MYBPC3: variants seen among roughly 807,000 people sequenced by gnomAD.
The protein encoded by MYBPC3 is myosin-binding protein C, cardiac-type.
MYBPC3 carries 108 observed loss-of-function variants against 159.3 expected under a neutral mutation model. That is an observed-to-expected ratio of 0.68 (90% CI 0.58 to 0.80). MYBPC3 has a LOEUF of 0.80. Among genes scored for constraint, MYBPC3 ranks in the 30% least tolerant of loss-of-function variants. The pLI, the probability that MYBPC3 is intolerant of heterozygous loss-of-function variation, is 0.00. For missense variants in MYBPC3, 1,631 were observed against 1,762.1 expected, an observed-to-expected ratio of 0.93 and a Z score of 1.33; for synonymous variants, 730 against 702.0, an observed-to-expected ratio of 1.04 and a Z score of -0.63.
chr11:47,335,270 AC>A, intron 26 of MYBPC3, 61 bp from the exon 27 acceptor site: 1 of 1,306,352 alleles, frequency 7.7e-7, no homozygotes, highest in South Asian at 1.6e-5. Context: ...CCCCACTCCC[AC>A]TGCCCACTCC....
chr11:47,342,416 A>G (rs2095889617), intron 17 of MYBPC3, among the ~76,000 whole-genome samples, 162 bp downstream of exon 17: 1 of 152,200 alleles, frequency 6.6e-6, no homozygotes, highest in Non-Finnish European at 1.5e-5. Context: ...TCACCTCAGC[A>G]TCGTCATTTT....
At chr11:47,348,308 G>A in intron 6 of MYBPC3, 116 bp downstream of exon 6, 1 of 772,620 alleles carries the variant, frequency 1.3e-6, no homozygotes, top group Admixed American at 2.3e-5. Context: ...CTGGGCACGT[G>A]GCCAGCACTC....
intron 23 of MYBPC3, 56 bp from the exon 24 acceptor site, chr11:47,337,850 A>G (rs2095884100): frequency 6.8e-7 from 1 of 1,467,092 alleles, no homozygotes; most frequent in Non-Finnish European, 9.3e-7. Flanking sequence ...GCCTTGAGTA[A>G]CGTTGCTCGT....
intron 1 of MYBPC3, among the ~76,000 whole-genome samples, chr11:47,352,202 G>C (rs1350412827): frequency 6.6e-6 from 1 of 152,178 alleles, no homozygotes; most frequent in Non-Finnish European, 1.5e-5. Context: ...GGCACCCCAG[G>C]TTGGGAGACT....
rs534264034 is a variant in MYBPC3 at position 47,342,403 on chromosome 11, C to T, written c.1624+175G>A. ...ATGACCCTCTCAGTACCCTCTGGAG[C>T]GGTCACCTCAGCATCGTCATTTTAG... is the stretch of plus-strand genomic sequence containing the variant. On this transcript the variant is annotated intron_variant, in intron 17 of 34. Transcript: ENST00000545968. Among the ~76,000 whole-genome samples the T allele has an allele frequency of 9.2e-5, 14 of 152,314 alleles. No homozygotes were observed. The East Asian group carries it at 1.5e-3, about 17-fold the overall frequency.
chr11:47,333,771 T>G lies in MYBPC3; in HGVS notation c.2995-19A>C, dbSNP rs2095879756. 5.7e-6 allele frequency: 9 copies of G among 1,580,584 alleles called. No homozygotes were observed. Among genetic ancestry groups the G allele is most frequent in the Non-Finnish European group, 6.0e-6 (7 of 1,164,174 alleles). ...GCTTGCCCTGAGGGGAGGAAAAGCT[T>G]AACCCTGAACCTGGATCACTCCAAG... On this transcript the variant is annotated intron_variant, in intron 28 of 34. Coordinates refer to ENST00000545968, the MANE Select transcript of MYBPC3 (RefSeq NM_000256.3).
Position 47,333,257 on chromosome 11 carries a change from G to T in MYBPC3, c.3267C>A (p.Pro1089=), listed in dbSNP as rs745761062. 6.3e-6 allele frequency: 10 copies of T among 1,586,964 alleles called. No homozygotes were observed. The highest frequency in any genetic ancestry group is 1.8e-5 in the Admixed American group (1 of 55,976). The change falls in exon 30 of 35, where the codon CCC becomes CCA. Residue 1089 remains proline (P), a synonymous_variant. Coordinates refer to ENST00000545968, the MANE Select transcript of MYBPC3 (RefSeq NM_000256.3). ...GLNVALEWKP[P]QDVGNTELWG... ...AGAGCTCCGTGTTGCCGACATCCTG[G>T]GGTGGCTTCCACTCCAGAGCCACAT...
chr11:47,335,676 G>A (rs778359291), intron 26 of MYBPC3: 5 of 487,474 alleles, frequency 1.0e-5, no homozygotes, highest in Non-Finnish European at 1.8e-5. Context: ...GCTCAAAGAA[G>A]TGTTACAGTC....
intron 25 of MYBPC3, 64 bp downstream of exon 25, chr11:47,337,324 CCTG>C (rs1376814879): frequency 6.7e-7 from 1 of 1,486,176 alleles, no homozygotes; most frequent in African/African-American, 1.4e-5. Flanking sequence ...CTGCAGAGCA[CCTG>C]CTATTATTGG....
At chr11:47,343,398 C>T in intron 13 of MYBPC3, 94 bp downstream of exon 13, 1 of 1,491,562 alleles carries the variant, frequency 6.7e-7, no homozygotes, top group South Asian at 1.3e-5. Context: ...GAGAGCCACA[C>T]CGAGTCAGAG....
At chr11:47,337,065 C>T (rs1417319110) in intron 25 of MYBPC3, among the ~76,000 whole-genome samples, 1 of 152,218 alleles carries the variant, frequency 6.6e-6, no homozygotes, top group Non-Finnish European at 1.5e-5. Context: ...CTGGTCATCC[C>T]ATATCATCCT....
chr11:47,343,278 G>T lies in MYBPC3; in HGVS notation c.1224-16C>A. 1 of 1,551,850 alleles carries T rather than the reference G, an allele frequency of 6.4e-7. No homozygotes were observed. Among genetic ancestry groups the T allele is most frequent in the Non-Finnish European group, 8.7e-7 (1 of 1,153,668 alleles). ...AACTTACTTGCTGTAGAACAGAAGG[G>T]GCCGTTGAAGTGTTCCCGACGGGAG... On this transcript the variant is annotated splice_polypyrimidine_tract_variant and intron_variant, in intron 13 of 34. Coordinates refer to ENST00000545968, the MANE Select transcript of MYBPC3 (RefSeq NM_000256.3).
In MYBPC3 at chr11:47,352,694, A is replaced by G. The variant is rs763924149; in HGVS notation, c.-47T>C. ...CACGAAGCAGGCACAGGTCACCCAAAGAGGGACTGAGTGGGGTCCTGTCCT... is the reference window on the plus strand; with the variant it reads ...CACGAAGCAGGCACAGGTCACCCAAGGAGGGACTGAGTGGGGTCCTGTCCT... On this transcript the variant is annotated 5_prime_UTR_variant, in exon 1 of 35. Coordinates refer to ENST00000545968, the MANE Select transcript of MYBPC3 (RefSeq NM_000256.3). The G allele has an allele frequency of 1.3e-6, 2 of 1,537,416 alleles. No homozygotes were observed. The highest frequency in any genetic ancestry group is 2.5e-5 in the East Asian group (1 of 39,518).
chr11:47,347,242 C>G (rs567245685), intron 9 of MYBPC3, 184 bp downstream of exon 9: 1 of 985,184 alleles, frequency 1.0e-6, no homozygotes, highest in Non-Finnish European at 1.2e-6. Flanking sequence ...TGACTGTTGA[C>G]GGGACATAAT....
At position 47,332,978 on chromosome 11, in the gene MYBPC3, G is replaced by A. The variant is rs1484291864; in HGVS notation, c.3331-5C>T. On this transcript the variant is annotated splice_polypyrimidine_tract_variant and splice_region_variant and intron_variant, in intron 30 of 34. Coordinates refer to ENST00000545968, the MANE Select transcript of MYBPC3 (RefSeq NM_000256.3). The surrounding 1 kb of genome is among the most constrained non-coding windows in gnomAD (Gnocchi z 4.2). ...CTCCAAGACGGTGAACCACTCCTGG[G>A]GGCAGGGAGGGAGGGGAGGCATCTC... The A allele has an allele frequency of 6.2e-7, 1 of 1,606,642 alleles. No homozygotes were observed. The highest frequency in any genetic ancestry group is 1.3e-5 in the African/African-American group (1 of 74,842).
At chr11:47,339,031 G>A (rs932317364) in intron 22 of MYBPC3, among the ~76,000 whole-genome samples, 1 of 152,186 alleles carries the variant, frequency 6.6e-6, no homozygotes, top group African/African-American at 2.4e-5. Flanking sequence ...GAGTTGAGAG[G>A]GAGCACAAGG....
At chr11:47,342,214 CCT>C in intron 17 of MYBPC3, 58 bp from the exon 18 acceptor site, 1 of 1,581,798 alleles carries the variant, frequency 6.3e-7, no homozygotes, top group Non-Finnish European at 8.6e-7. Context: ...GGCGTGAATC[CCT>C]GTGGAGGGCG....
In MYBPC3 at chr11:47,333,197, G is replaced by A. The variant is rs777087155; in HGVS notation, c.3327C>T (p.Thr1109=). The change falls in exon 30 of 35, where the codon ACC becomes ACT. Residue 1109 remains threonine, a synonymous_variant. Coordinates refer to ENST00000545968, the MANE Select transcript of MYBPC3 (RefSeq NM_000256.3). ...GGACCCCAGACCCTGGGCTCACCATGGTCTTCTTGTCGGCTTTCTGCACTG... is the reference window on the plus strand; with the variant it reads ...GGACCCCAGACCCTGGGCTCACCATAGTCTTCTTGTCGGCTTTCTGCACTG... The part of the protein sequence containing the change: ...GYTVQKADKK[T]MEWFTVLEHY... The A allele has an allele frequency of 1.2e-6, 2 of 1,602,424 alleles. No individual in the cohort carries two copies. The highest frequency in any genetic ancestry group is 1.3e-5 in the African/African-American group (1 of 74,896).
rs1243985803 is a variant in MYBPC3 at position 47,333,761 on chromosome 11, A to T, written c.2995-9T>A. ...TGAGGCCGGGGCTTGCCCTGAGGGG[A>T]GGAAAAGCTTAACCCTGAACCTGGA... is the stretch of plus-strand genomic sequence containing the variant. On this transcript the variant is annotated splice_polypyrimidine_tract_variant and intron_variant, in intron 28 of 34. Transcript: ENST00000545968. The T allele has an allele frequency of 3.2e-6, 5 of 1,585,476 alleles. No homozygotes were observed. The highest frequency in any genetic ancestry group is 4.3e-6 in the Non-Finnish European group (5 of 1,166,666).
Sources: allele counts gnomAD v4.1 joint callset (sites outside exome capture counted in the v4.1 genomes callset), GRCh38; gene constraint gnomAD v4.1.1; non-coding constraint Gnocchi (gnomAD v3.1); transcripts MANE v1.5; gene names NCBI Gene and HGNC (gene_info 2026-07-23, HGNC 2026-07-21).